The following ADAMTS12 variants were observed in gnomAD, a reference collection of about 807,000 sequenced individuals.
The protein encoded by ADAMTS12 is A disintegrin and metalloproteinase with thrombospondin motifs 12.
ADAMTS12 carries 118 observed loss-of-function variants against 167.8 expected under a neutral mutation model. The observed-to-expected ratio is 0.70, with a 90% CI of 0.61 to 0.82. ADAMTS12 has a LOEUF of 0.82. Among genes scored for constraint, ADAMTS12 ranks in the 40% least tolerant of loss-of-function variants. ADAMTS12 has a pLI of 0.00. For missense variants in ADAMTS12, 1,916 were observed against 1,998.8 expected, an observed-to-expected ratio of 0.96 and a Z score of 0.79; for synonymous variants, 704 against 716.9, an observed-to-expected ratio of 0.98 and a Z score of 0.29.
rs1182584916 is a variant in ADAMTS12, at chr5:33,773,741, G to A, written c.490-22193C>T. On this transcript the variant is annotated intron_variant, in intron 2 of 23. Transcript: ENST00000504830. The stretch of plus-strand genomic sequence containing the variant: ...AGCCTAGCCCAGCACCACATACCCC[G>A]AGCTACTGAAAAAGTTGCTTTTTGA... Among the ~76,000 whole-genome samples the A allele has an allele frequency of 3.3e-5, 5 of 152,104 alleles. No homozygotes were observed. In the South Asian group the frequency reaches 6.2e-4, roughly 19 times the overall value.
At chr5:33,672,896 C>A (rs995370124) in intron 5 of ADAMTS12, among the ~76,000 whole-genome samples, 4 of 152,190 alleles carry the variant, frequency 2.6e-5, no homozygotes, top group Non-Finnish European at 5.9e-5. Context: ...AGTATCTTAG[C>A]CAAGTCACAA....
At chr5:33,779,358 A>G (rs1021903128) in intron 2 of ADAMTS12, among the ~76,000 whole-genome samples, 2 of 151,778 alleles carry the variant, frequency 1.3e-5, no homozygotes, top group Non-Finnish European at 2.9e-5. Flanking sequence ...GCTAATTTTT[A>G]TATTTTTAGT....
In ADAMTS12 at chr5:33,527,054, A is replaced by G; in HGVS notation, c.*134T>C. ...TTCGGTGGCTAGAGGAACACAATGGATTTTGTTTCATCATGACCCAAAGCT... is the reference window on the plus strand; with the variant it reads ...TTCGGTGGCTAGAGGAACACAATGGGTTTTGTTTCATCATGACCCAAAGCT... On this transcript the variant is annotated 3_prime_UTR_variant, in exon 24 of 24. Coordinates refer to ENST00000504830, the MANE Select transcript of ADAMTS12 (RefSeq NM_030955.4). 8.3e-7 allele frequency: 1 copy of G among 1,205,000 alleles called. No individual in the cohort carries two copies. The highest frequency in any genetic ancestry group is 2.2e-5 in the Admixed American group (1 of 45,542). 74.6% of individuals were successfully genotyped at this position (1,205,000 alleles called of 1,614,324 possible).
At chr5:33,862,994 C>T (rs867574021) in intron 2 of ADAMTS12, among the ~76,000 whole-genome samples, 1 of 152,124 alleles carries the variant, frequency 6.6e-6, no homozygotes, top group African/African-American at 2.4e-5. Flanking sequence ...ATTCATCACC[C>T]CTTCATGCTA....
chr5:33,528,306 A>G (rs958249026), intron 23 of ADAMTS12, among the ~76,000 whole-genome samples: 4 of 152,114 alleles, frequency 2.6e-5, no homozygotes, highest in Admixed American at 6.5e-5. Context: ...AAGACTACAT[A>G]TTGGGTATAG....
At chr5:33,772,512 G>T (rs2112427703) in intron 2 of ADAMTS12, among the ~76,000 whole-genome samples, 1 of 152,310 alleles carries the variant, frequency 6.6e-6, no homozygotes, top group East Asian at 1.9e-4. Context: ...CATCCAGGAG[G>T]TCAGGAGATT....
chr5:33,624,158 G>C, intron 14 of ADAMTS12, 73 bp downstream of exon 14: 1 of 1,591,096 alleles, frequency 6.3e-7, no homozygotes, highest in Non-Finnish European at 8.6e-7. Context: ...ACAAAAACTA[G>C]GAACCAATCA....
intron 16 of ADAMTS12, among the ~76,000 whole-genome samples, chr5:33,613,156 A>G (rs1163595191): frequency 6.6e-6 from 1 of 152,196 alleles, no homozygotes. Flanking sequence ...ATTCTGGCAC[A>G]TCACTCTGCA....
In ADAMTS12 at chr5:33,830,835, A is replaced by T. The variant is rs544730331; in HGVS notation, c.489+50284T>A. On this transcript the variant is annotated intron_variant, in intron 2 of 23. Transcript: ENST00000504830. The stretch of plus-strand genomic sequence containing the variant: ...TTATATTGCTTCCACTTATATCAGT[A>T]TATGTATATACTGATATAGACAGTG... Among the ~76,000 whole-genome samples, 4 of 152,264 alleles carry T rather than the reference A, an allele frequency of 2.6e-5. No individual in the cohort carries two copies. In the South Asian group the frequency reaches 8.3e-4, roughly 32 times the overall value.
chr5:33,866,151 G>C lies in ADAMTS12; in HGVS notation c.489+14968C>G, dbSNP rs368424775. On this transcript the variant is annotated intron_variant, in intron 2 of 23. Transcript: ENST00000504830. ...CAAAGAAAGAGCCTGAATATCCAAAGCTATCCTAGGCAAAGGTATCACATT... is the reference window on the plus strand; with the variant it reads ...CAAAGAAAGAGCCTGAATATCCAAACCTATCCTAGGCAAAGGTATCACATT... 1.7e-3 allele frequency among the ~76,000 whole-genome samples: 264 copies of C among 151,880 alleles called. 2 individuals carry two copies. The highest frequency in any genetic ancestry group is 6.1e-3 in the African/African-American group (255 of 41,510).
At chr5:33,721,434 G>A (rs4866380) in intron 3 of ADAMTS12, among the ~76,000 whole-genome samples, 91,236 of 152,004 alleles carry the variant, frequency 0.6, 28,911 homozygotes, top group Non-Finnish European at 0.71. Context: ...GGATCAGGAG[G>A]CAGAACCAAT....
chr5:33,754,280 C>T (rs1346463596), intron 2 of ADAMTS12, among the ~76,000 whole-genome samples: 2 of 152,196 alleles, frequency 1.3e-5, no homozygotes, highest in East Asian at 3.8e-4. Flanking sequence ...AAATAGTTTC[C>T]ATTCTGGTCT....
intron 18 of ADAMTS12, among the ~76,000 whole-genome samples, chr5:33,578,126 T>C (rs891574914): frequency 2.6e-5 from 4 of 152,220 alleles, no homozygotes; most frequent in African/African-American, 4.8e-5. Flanking sequence ...CACCAAATAG[T>C]TGGCACTTGA....
At chr5:33,773,137 T>A (rs1348105150) in intron 2 of ADAMTS12, among the ~76,000 whole-genome samples, 1 of 152,200 alleles carries the variant, frequency 6.6e-6, no homozygotes, top group Non-Finnish European at 1.5e-5. Context: ...TTTTTATTCT[T>A]CTTTTTTCCA....
intron 3 of ADAMTS12, among the ~76,000 whole-genome samples, chr5:33,703,167 G>A (rs142150370): frequency 6.6e-6 from 1 of 152,216 alleles, no homozygotes; most frequent in Non-Finnish European, 1.5e-5. Flanking sequence ...GATCTGAAGA[G>A]TTATAGTCTT....
At chr5:33,887,014 G>A (rs1382521958) in intron 1 of ADAMTS12, among the ~76,000 whole-genome samples, 1 of 152,002 alleles carries the variant, frequency 6.6e-6, no homozygotes, top group Non-Finnish European at 1.5e-5. Context: ...ATAAACATGT[G>A]TAACCTCCAA....
intron 2 of ADAMTS12, among the ~76,000 whole-genome samples, 177 bp from the exon 3 acceptor site, chr5:33,751,725 T>C (rs1176525001): frequency 6.6e-6 from 1 of 152,244 alleles, no homozygotes; most frequent in Non-Finnish European, 1.5e-5. Context: ...GAAATATCTT[T>C]ATAGTCATCG....
At chr5:33,784,531 T>A (rs10038678) in intron 2 of ADAMTS12, among the ~76,000 whole-genome samples, 1 of 152,036 alleles carries the variant, frequency 6.6e-6, no homozygotes, top group East Asian at 1.9e-4. Flanking sequence ...AAAAAAATAG[T>A]TGTATTCTGT....
intron 3 of ADAMTS12, among the ~76,000 whole-genome samples, chr5:33,735,385 A>G (rs1257435414): frequency 6.6e-6 from 1 of 152,212 alleles, no homozygotes; most frequent in Non-Finnish European, 1.5e-5. Context: ...GCAAGTTTTT[A>G]TCACTATTAA....
Sources: allele counts gnomAD v4.1 joint callset (sites outside exome capture counted in the v4.1 genomes callset), GRCh38; gene constraint gnomAD v4.1.1; transcripts MANE v1.5; gene names NCBI Gene and HGNC (gene_info 2026-07-23, HGNC 2026-07-21).